Variants in DIAPH3 observed in about 807,000 individuals in gnomAD.
DIAPH3 encodes the protein protein diaphanous homolog 3.
In DIAPH3, 117 loss-of-function variants were observed where a neutral mutation model predicts 144.3. The observed-to-expected ratio is 0.81, with a 90% CI of 0.70 to 0.95. DIAPH3 has a LOEUF of 0.95. Among genes scored for constraint, DIAPH3 ranks in the 40% least tolerant of loss-of-function variants. The probability of loss-of-function intolerance (pLI) is 0.00; values close to 1 mark genes in which losing one functional copy is unlikely to be tolerated. For missense variants in DIAPH3, 1,421 were observed against 1,412.7 expected, an observed-to-expected ratio of 1.01 and a Z score of -0.09; for synonymous variants, 519 against 488.9, an observed-to-expected ratio of 1.06 and a Z score of -0.81.
At chr13:59,915,561 A>T (rs915092572) in intron 19 of DIAPH3, among the ~76,000 whole-genome samples, 2 of 152,080 alleles carry the variant, frequency 1.3e-5, no homozygotes, top group African/African-American at 4.8e-5. Context: ...TTTTATCAAG[A>T]TATACATTAT....
chr13:59,859,886 A>G (rs909259540), intron 22 of DIAPH3, among the ~76,000 whole-genome samples: 2 of 152,292 alleles, frequency 1.3e-5, no homozygotes, highest in East Asian at 3.9e-4. Flanking sequence ...CTATTAAAAC[A>G]TCTATAACTA....
In DIAPH3 at chr13:59,812,798, A is replaced by G. The variant is rs781065664; in HGVS notation, c.3028-1875T>C. On this transcript the variant is annotated intron_variant, in intron 24 of 27. Coordinates refer to ENST00000400324, the MANE Select transcript of DIAPH3 (RefSeq NM_001042517.2). ...TTCTAGGCCAAGACAGGGAGGTTAG[A>G]TTTTCTTTTAAGCGTTCTGGAAAAT... is the stretch of plus-strand genomic sequence containing the variant. Among the ~76,000 whole-genome samples the G allele has an allele frequency of 7.9e-5, 12 of 152,196 alleles. No homozygotes were observed. The South Asian group carries it at 8.3e-4, about 11-fold the overall frequency.
chr13:59,788,592 T>A (rs1200031701), intron 25 of DIAPH3, among the ~76,000 whole-genome samples: 1 of 152,238 alleles, frequency 6.6e-6, no homozygotes, highest in East Asian at 1.9e-4. Context: ...TTGTTCATTG[T>A]AACAGGAGAC....
intron 27 of DIAPH3, among the ~76,000 whole-genome samples, chr13:59,725,255 C>T (rs751761304): frequency 1.3e-5 from 2 of 152,172 alleles, no homozygotes; most frequent in African/African-American, 2.4e-5. Context: ...AAGACTTAGT[C>T]TGTAGATATT....
intron 25 of DIAPH3, among the ~76,000 whole-genome samples, chr13:59,803,074 T>C (rs1270722932): frequency 6.6e-6 from 1 of 152,162 alleles, no homozygotes; most frequent in Non-Finnish European, 1.5e-5. Context: ...TGTTGATTAG[T>C]GGAGACAGCT....
intron 27 of DIAPH3, among the ~76,000 whole-genome samples, chr13:59,746,755 A>AT (rs1160778830): frequency 4.6e-5 from 7 of 152,288 alleles, no homozygotes; most frequent in African/African-American, 1.7e-4. Context: ...TCATAAAAGT[A>AT]TTTTTTACAG....
intron 3 of DIAPH3, among the ~76,000 whole-genome samples, chr13:60,099,246 A>C (rs1232181314): frequency 6.6e-6 from 1 of 152,200 alleles, no homozygotes; most frequent in Non-Finnish European, 1.5e-5. Context: ...CATTTAATAC[A>C]CCTAACCTAC....
intron 27 of DIAPH3, among the ~76,000 whole-genome samples, chr13:59,760,110 T>C (rs937908104): frequency 2.6e-5 from 4 of 152,168 alleles, no homozygotes; most frequent in Non-Finnish European, 5.9e-5. Context: ...TCAGAGATTT[T>C]CCTTAATGCA....
At chr13:60,063,884 G>A (rs950673189) in intron 4 of DIAPH3, among the ~76,000 whole-genome samples, 32 of 151,740 alleles carry the variant, frequency 2.1e-4, no homozygotes, top group African/African-American at 7.0e-4. Flanking sequence ...AGCCAAGATC[G>A]CACCATTGCA....
chr13:60,006,726 G>A (rs1411566359), intron 9 of DIAPH3, among the ~76,000 whole-genome samples: 2 of 152,050 alleles, frequency 1.3e-5, no homozygotes, highest in African/African-American at 2.4e-5. Flanking sequence ...GAAAAGAGGA[G>A]GAGACTGGAA....
At position 59,879,312 on chromosome 13, in the gene DIAPH3, G is replaced by GGAGTAAGTTTAGAGCCTT. The variant is rs752277744; in HGVS notation, c.2523_2524insAAGGCTCTAAACTTACTC (p.Glu841_Leu842insLysAlaLeuAsnLeuLeu). 1 of 1,613,810 alleles carries GGAGTAAGTTTAGAGCCTT rather than the reference G, an allele frequency of 6.2e-7. No homozygotes were observed. The highest frequency in any genetic ancestry group is 2.2e-5 in the East Asian group (1 of 44,866). ...ATGTAGTTTCCCATTAGCAATACAA[G>GGAGTAAGTTTAGAGCCTT]TTCCAGCAACTTGCTAAAGCTTTTG... On this transcript the variant is annotated inframe_insertion, in exon 21 of 28. Transcript: ENST00000400324.
chr13:59,943,858 T>C (rs1460346067), intron 17 of DIAPH3, among the ~76,000 whole-genome samples: 1 of 152,094 alleles, frequency 6.6e-6, no homozygotes, highest in African/African-American at 2.4e-5. Flanking sequence ...TTATTTGAGG[T>C]CTCACTAATA....
chr13:59,879,137 C>A, intron 21 of DIAPH3, 92 bp downstream of exon 21: 11 of 1,558,006 alleles, frequency 7.1e-6, no homozygotes, highest in African/African-American at 1.4e-5. Flanking sequence ...ATGAGCACAT[C>A]AAAATAAAAA....
At chr13:60,040,512 G>A (rs1188643727) in intron 5 of DIAPH3, among the ~76,000 whole-genome samples, 1 of 152,086 alleles carries the variant, frequency 6.6e-6, no homozygotes, top group Non-Finnish European at 1.5e-5. Context: ...ATAACCCATT[G>A]TAAGATGCAT....
At chr13:60,101,630 C>G (rs529758487) in intron 3 of DIAPH3, among the ~76,000 whole-genome samples, 1 of 152,206 alleles carries the variant, frequency 6.6e-6, no homozygotes, top group East Asian at 1.9e-4. Context: ...AGATTGGGCA[C>G]CCCTGCCCTA....
chr13:59,945,620 G>GAA (rs150378815), intron 17 of DIAPH3, among the ~76,000 whole-genome samples: 5 of 132,070 alleles, frequency 3.8e-5, no homozygotes, highest in South Asian at 2.5e-4. Context: ...CTTGCTGACA[G>GAA]AAAAAAAAAA....
intron 27 of DIAPH3, among the ~76,000 whole-genome samples, chr13:59,749,583 A>T (rs2036893795): frequency 1.3e-5 from 2 of 149,928 alleles, no homozygotes; most frequent in South Asian, 4.2e-4. Context: ...ATAATCTTTT[A>T]TTATATCCAA....
At chr13:59,929,170 T>C (rs906362074) in intron 17 of DIAPH3, among the ~76,000 whole-genome samples, 6 of 152,198 alleles carry the variant, frequency 3.9e-5, no homozygotes, top group Non-Finnish European at 8.8e-5. Context: ...CCGTAAGTAT[T>C]ATGCAAACAT....
chr13:60,143,156 G>A (rs1478554419), intron 1 of DIAPH3, among the ~76,000 whole-genome samples: 1 of 152,132 alleles, frequency 6.6e-6, no homozygotes, highest in Non-Finnish European at 1.5e-5. Flanking sequence ...CACTACCGCA[G>A]TCCTCTCCCT....
Sources: allele counts gnomAD v4.1 joint callset (sites outside exome capture counted in the v4.1 genomes callset), GRCh38; gene constraint gnomAD v4.1.1; transcripts MANE v1.5; gene names NCBI Gene and HGNC (gene_info 2026-07-23, HGNC 2026-07-21).